RPH3A: variants seen among roughly 807,000 people sequenced by gnomAD.
RPH3A encodes rabphilin-3A.
A neutral mutation model predicts 102.2 loss-of-function variants in RPH3A; 48 were observed. That is an observed-to-expected ratio of 0.47 (90% CI 0.37 to 0.60). RPH3A has a LOEUF of 0.60. RPH3A is among the 20% of genes least tolerant of loss of function. RPH3A has a pLI of 0.00. For synonymous variants in RPH3A, 310 were observed against 324.3 expected (o/e 0.96, Z 0.47); for missense variants, 781 against 910.1 (o/e 0.86, Z 1.83).
intron 1 of RPH3A, among the ~76,000 whole-genome samples, chr12:112,763,217 G>C (rs1259922263): frequency 1.3e-5 from 2 of 152,208 alleles, no homozygotes; most frequent in African/African-American, 4.8e-5. Context: ...CAGTGCCTAG[G>C]ACATGGTGTG....
intron 1 of RPH3A, among the ~76,000 whole-genome samples, chr12:112,626,919 T>C (rs2039770531): frequency 1.4e-5 from 1 of 70,018 alleles, no homozygotes; most frequent in Admixed American, 1.7e-4. Context: ...GGGACATGGA[T>C]GAAATTGGAA....
At chr12:112,699,274 C>G (rs2040375176) in intron 1 of RPH3A, among the ~76,000 whole-genome samples, 1 of 152,184 alleles carries the variant, frequency 6.6e-6, no homozygotes, top group African/African-American at 2.4e-5. Flanking sequence ...CCAGCAGTCA[C>G]ACAATTAAAT....
chr12:112,820,498 G>A (rs1324345238), intron 2 of RPH3A, among the ~76,000 whole-genome samples: 1 of 152,174 alleles, frequency 6.6e-6, no homozygotes, highest in Non-Finnish European at 1.5e-5. Context: ...AGTCTTCTAA[G>A]CCTCGGTATC....
chr12:112,580,856 C>T (rs1475627426), intron 1 of RPH3A, among the ~76,000 whole-genome samples: 1 of 152,132 alleles, frequency 6.6e-6, no homozygotes, highest in African/African-American at 2.4e-5. Context: ...CCTACATTGT[C>T]AAAGCACTAA....
intron 1 of RPH3A, among the ~76,000 whole-genome samples, chr12:112,685,069 T>G (rs2040253777): frequency 6.6e-6 from 1 of 152,198 alleles, no homozygotes; most frequent in African/African-American, 2.4e-5. Flanking sequence ...CTTCAGTAGC[T>G]GGGACTACAG....
intron 1 of RPH3A, among the ~76,000 whole-genome samples, chr12:112,752,064 TA>T (rs1298625562): frequency 6.6e-6 from 1 of 152,186 alleles, no homozygotes; most frequent in Admixed American, 6.6e-5. Flanking sequence ...GATGTGGTAT[TA>T]GGGGTAAGTT....
intron 1 of RPH3A, among the ~76,000 whole-genome samples, chr12:112,768,736 G>A (rs2040908396): frequency 6.6e-6 from 1 of 152,080 alleles, no homozygotes; most frequent in South Asian, 2.1e-4. Flanking sequence ...AACTTAGCAA[G>A]GCCCCATCTC....
chr12:112,868,737 T>C, intron 8 of RPH3A, 142 bp downstream of exon 8: 2 of 827,084 alleles, frequency 2.4e-6, no homozygotes, highest in African/African-American at 1.7e-5. Context: ...AGGACTCCTA[T>C]ATCTCCTTCA....
chr12:112,792,569 C>T (rs1308896371), intron 2 of RPH3A, among the ~76,000 whole-genome samples: 2 of 152,152 alleles, frequency 1.3e-5, no homozygotes, highest in Non-Finnish European at 2.9e-5. Flanking sequence ...TGAAAGTAGC[C>T]GGCAGTTCTC....
At chr12:112,773,540 A>G (rs1366390284) in intron 1 of RPH3A, among the ~76,000 whole-genome samples, 1 of 152,042 alleles carries the variant, frequency 6.6e-6, no homozygotes, top group Non-Finnish European at 1.5e-5. Context: ...ATTAGTTTTC[A>G]TTTGCTACTT....
chr12:112,679,253 A>C lies in RPH3A; in HGVS notation c.-140+103934A>C, dbSNP rs553469020. 2.0e-3 allele frequency among the ~76,000 whole-genome samples: 299 copies of C among 152,140 alleles called. 3 individuals are homozygous for C. The highest frequency in any genetic ancestry group is 7.1e-3 in the African/African-American group (293 of 41,488). On this transcript the variant is annotated intron_variant, in intron 1 of 21. Coordinates refer to the RPH3A transcript ENST00000543106. ...ACTGCAACCTCTGCCTCCTGGGTTC[A>C]AGTGATTCTTCTGCCTCAGCCTCCC...
chr12:112,754,065 G>A lies in RPH3A; in HGVS notation c.-139-38078G>A, dbSNP rs539394328. On this transcript the variant is annotated intron_variant, in intron 1 of 21. Coordinates refer to the RPH3A transcript ENST00000543106. Reference sequence around the variant, plus strand: ...GATTCTCCCCTAGAGCCCACAGAAGGAGTGCAGCGCTGACAATCCATTTGG... The same window carrying A: ...GATTCTCCCCTAGAGCCCACAGAAGAAGTGCAGCGCTGACAATCCATTTGG... 8.0e-4 allele frequency among the ~76,000 whole-genome samples: 122 copies of A among 152,270 alleles called. 1 individual carries two copies. The highest frequency in any genetic ancestry group is 1.4e-3 in the Non-Finnish European group (97 of 68,018).
At chr12:112,607,028 G>C (rs1453807920) in intron 1 of RPH3A, among the ~76,000 whole-genome samples, 1 of 152,136 alleles carries the variant, frequency 6.6e-6, no homozygotes, top group African/African-American at 2.4e-5. Context: ...GACCTTTAAG[G>C]GGGGGATCAG....
chr12:112,763,917 T>A (rs1319400308), intron 1 of RPH3A, among the ~76,000 whole-genome samples: 2 of 152,190 alleles, frequency 1.3e-5, no homozygotes, highest in Non-Finnish European at 2.9e-5. Flanking sequence ...GGGGCTGTGT[T>A]CCCTCAGGTC....
intron 1 of RPH3A, among the ~76,000 whole-genome samples, chr12:112,633,512 A>C (rs539244759): frequency 6.6e-6 from 1 of 152,192 alleles, no homozygotes; most frequent in South Asian, 2.1e-4. Context: ...GAGAGAACTG[A>C]GCTGGCATCC....
At chr12:112,619,081 C>T (rs377509624) in intron 1 of RPH3A, among the ~76,000 whole-genome samples, 1 of 152,156 alleles carries the variant, frequency 6.6e-6, no homozygotes, top group South Asian at 2.1e-4. Flanking sequence ...GGGTATATCA[C>T]ATTTTATTTA....
intron 3 of RPH3A, among the ~76,000 whole-genome samples, chr12:112,833,819 G>C (rs1372032152): frequency 1.3e-5 from 2 of 151,298 alleles, no homozygotes; most frequent in African/African-American, 4.9e-5. Context: ...AGCTTTGACC[G>C]CCCAGGCTCA....
At chr12:112,752,383 C>T (rs574519837) in intron 1 of RPH3A, among the ~76,000 whole-genome samples, 11 of 152,240 alleles carry the variant, frequency 7.2e-5, no homozygotes, top group Non-Finnish European at 1.5e-4. Context: ...CTGCATCTTC[C>T]ACCCTCACCT....
At chr12:112,752,743 T>A (rs2040793289) in intron 1 of RPH3A, among the ~76,000 whole-genome samples, 1 of 152,028 alleles carries the variant, frequency 6.6e-6, no homozygotes, top group African/African-American at 2.4e-5. Context: ...GGTCACCAAG[T>A]GCAGAATTTG....
Sources: gnomAD v4.1 joint callset for allele counts (sites outside exome capture counted in the v4.1 genomes callset) on GRCh38, gnomAD v4.1.1 for gene constraint, MANE v1.5 for transcripts, NCBI Gene and HGNC (gene_info 2026-07-23, HGNC 2026-07-21) for gene names.